The following SLC1A2 variants were observed in gnomAD, a reference collection of about 807,000 sequenced individuals.
The protein encoded by SLC1A2 is solute carrier family 1 member 2, also known as excitatory amino acid transporter 2.
In SLC1A2, 15 loss-of-function variants were observed where a neutral mutation model predicts 48.8. The observed-to-expected ratio is 0.31, with a 90% confidence interval of 0.21 to 0.47. SLC1A2 has a LOEUF of 0.47. Ranked by LOEUF, SLC1A2 falls within the 20% of genes least tolerant of loss-of-function variation. The probability of loss-of-function intolerance (pLI) is 0.99; values close to 1 mark genes in which losing one functional copy is unlikely to be tolerated. For synonymous variants in SLC1A2, 279 were observed against 272.6 expected, an observed-to-expected ratio of 1.02 and a Z score of -0.23; for missense variants, 502 against 730.5, an observed-to-expected ratio of 0.69 and a Z score of 3.61.
intron 6 of SLC1A2, among the ~76,000 whole-genome samples, chr11:35,296,091 C>T (rs1699284460): frequency 1.3e-5 from 2 of 152,244 alleles, no homozygotes; most frequent in Non-Finnish European, 2.9e-5. Context: ...TGATGAAACG[C>T]AGATATTACT....
rs114068170 is a variant in SLC1A2, at chr11:35,341,425, A to T, written c.18-23909T>A. On this transcript the variant is annotated intron_variant, in intron 1 of 10. Transcript: ENST00000278379. ...ATAGTCGTATTCACGAAAATGTTTAAAACCCTGTTAAAAACCTAATAAGGT... is the reference window on the plus strand; with the variant it reads ...ATAGTCGTATTCACGAAAATGTTTATAACCCTGTTAAAAACCTAATAAGGT... Among the ~76,000 whole-genome samples the T allele has an allele frequency of 1.4e-3, 211 of 152,362 alleles. 1 individual carries two copies. Among genetic ancestry groups the T allele is most frequent in the African/African-American group, 5.1e-3 (210 of 41,582 alleles).
chr11:35,334,523 C>A (rs1043453143), intron 1 of SLC1A2, among the ~76,000 whole-genome samples: 1 of 152,156 alleles, frequency 6.6e-6, no homozygotes, highest in Non-Finnish European at 1.5e-5. Context: ...AAAACAAAAG[C>A]AAGTGATGCG....
chr11:35,403,144 C>T lies in SLC1A2; in HGVS notation c.17+15806G>A, dbSNP rs547649616. ...TCCAGGTCCCAGGCACTATGCCGAA[C>T]GCTTCACACACATCCTGCTTTCATC... On this transcript the variant is annotated intron_variant, in intron 1 of 10. Coordinates refer to ENST00000278379, the MANE Select transcript of SLC1A2 (RefSeq NM_004171.4). 5.3e-5 allele frequency among the ~76,000 whole-genome samples: 8 copies of T among 152,304 alleles called. No homozygotes were observed. The East Asian group carries it at 5.8e-4, about 11-fold the overall frequency.
chr11:35,333,419 G>GAAA (rs59682870), intron 1 of SLC1A2, among the ~76,000 whole-genome samples: 3 of 132,946 alleles, frequency 2.3e-5, no homozygotes, highest in African/African-American at 5.4e-5. Flanking sequence ...TCTGCCTCAG[G>GAAA]AAAAAAAAAA....
At chr11:35,332,475 T>C (rs958525825) in intron 1 of SLC1A2, among the ~76,000 whole-genome samples, 3 of 152,278 alleles carry the variant, frequency 2.0e-5, no homozygotes, top group African/African-American at 7.2e-5. Context: ...GTCCTGTTTT[T>C]ATTTGAATCC....
chr11:35,390,692 T>C (rs565090291), intron 1 of SLC1A2: 3 of 150,022 alleles, frequency 2.0e-5, no homozygotes, highest in Non-Finnish European at 4.4e-5. Flanking sequence ...TGAGATGGAG[T>C]TTCACTCTTA....
chr11:35,379,980 C>T (rs1205702930), intron 1 of SLC1A2, among the ~76,000 whole-genome samples: 2 of 152,212 alleles, frequency 1.3e-5, no homozygotes, highest in Non-Finnish European at 2.9e-5. Flanking sequence ...TTTACTTGCA[C>T]GCTGATACCG....
intron 1 of SLC1A2, among the ~76,000 whole-genome samples, chr11:35,358,449 T>G (rs1039431235): frequency 6.6e-6 from 1 of 152,166 alleles, no homozygotes; most frequent in Non-Finnish European, 1.5e-5. Context: ...GGCCAAAATG[T>G]GAACAGAATA....
intron 6 of SLC1A2, among the ~76,000 whole-genome samples, chr11:35,292,792 G>T (rs1205572739): frequency 6.6e-6 from 1 of 152,124 alleles, no homozygotes; most frequent in Non-Finnish European, 1.5e-5. Context: ...GACATGCATT[G>T]CCATCTTTAT....
chr11:35,385,652 G>A (rs57417392), intron 1 of SLC1A2, among the ~76,000 whole-genome samples: 5,180 of 152,240 alleles, frequency 0.034, 256 homozygotes, highest in East Asian at 0.16. Context: ...CCCAAGATGT[G>A]CTATATCAAA....
intron 8 of SLC1A2, chr11:35,286,466 T>C (rs550685111): frequency 4.6e-6 from 1 of 218,212 alleles, no homozygotes; most frequent in African/African-American, 2.3e-5. Flanking sequence ...TCTTTGTCTA[T>C]TAAATGGGCA....
chr11:35,267,679 A>G (rs1437840032), intron 9 of SLC1A2, among the ~76,000 whole-genome samples: 1 of 152,096 alleles, frequency 6.6e-6, no homozygotes, highest in Non-Finnish European at 1.5e-5. Context: ...GAGCTACTCC[A>G]CTATACTTTC....
rs114062361 is a variant in SLC1A2, at chr11:35,289,418, A to G, written c.1092-2467T>C. On this transcript the variant is annotated intron_variant, in intron 7 of 10. Transcript: ENST00000278379. ...GAAATTCCACATCCAGGCAAAAACC[A>G]CATTTTAACTAAAGATTAAAACCAC... 7.5e-3 allele frequency among the ~76,000 whole-genome samples: 1,138 copies of G among 151,690 alleles called. 14 individuals carry two copies. The highest frequency in any genetic ancestry group is 0.025 in the African/African-American group (1,049 of 41,356).
At chr11:35,346,254 G>A (rs974110595) in intron 1 of SLC1A2, among the ~76,000 whole-genome samples, 1 of 152,120 alleles carries the variant, frequency 6.6e-6, no homozygotes, top group Non-Finnish European at 1.5e-5. Context: ...TTCCATTTGA[G>A]GCATCCATTT....
chr11:35,389,805 G>T (rs535842488), intron 1 of SLC1A2, among the ~76,000 whole-genome samples: 1 of 151,800 alleles, frequency 6.6e-6, no homozygotes, highest in Non-Finnish European at 1.5e-5. Context: ...TAGACACCAG[G>T]TCTTGCTATA....
intron 1 of SLC1A2, among the ~76,000 whole-genome samples, chr11:35,406,203 C>G (rs1855288113): frequency 6.6e-6 from 1 of 152,144 alleles, no homozygotes; most frequent in Non-Finnish European, 1.5e-5. Context: ...TCTGAGAAGC[C>G]TTCCCTCCTT....
At chr11:35,279,300 C>T (rs77573903) in intron 9 of SLC1A2, among the ~76,000 whole-genome samples, 2,080 of 152,312 alleles carry the variant, frequency 0.014, 32 homozygotes, top group East Asian at 0.08. Context: ...ACCCCCTTGT[C>T]GAAGACCATC....
chr11:35,328,394 T>C (rs960780662), intron 1 of SLC1A2, among the ~76,000 whole-genome samples: 2 of 152,194 alleles, frequency 1.3e-5, no homozygotes. Context: ...CAAAACTAAC[T>C]TCACACCAGG....
At chr11:35,403,348 G>T (rs539133380) in intron 1 of SLC1A2, among the ~76,000 whole-genome samples, 1 of 152,348 alleles carries the variant, frequency 6.6e-6, no homozygotes, top group Admixed American at 6.5e-5. Flanking sequence ...TGCAACACTG[G>T]CTCAGAAGCT....
Sources: allele counts gnomAD v4.1 joint callset (sites outside exome capture counted in the v4.1 genomes callset), GRCh38; gene constraint gnomAD v4.1.1; transcripts MANE v1.5; gene names NCBI Gene and HGNC (gene_info 2026-07-23, HGNC 2026-07-21).